Variants in TMPRSS11E observed in about 807,000 individuals in gnomAD.
The protein encoded by TMPRSS11E is transmembrane serine protease 11E.
A neutral mutation model predicts 48.1 loss-of-function variants in TMPRSS11E; 38 were observed. The observed-to-expected ratio is 0.79, with a 90% CI of 0.61 to 1.04. TMPRSS11E has a LOEUF of 1.04. TMPRSS11E is among the 50% of genes least tolerant of loss of function. The probability of loss-of-function intolerance (pLI) is 0.00; values close to 1 mark genes in which losing one functional copy is unlikely to be tolerated. For synonymous variants in TMPRSS11E, 158 were observed against 171.9 expected, an observed-to-expected ratio of 0.92 and a Z score of 0.63; for missense variants, 530 against 510.8, an observed-to-expected ratio of 1.04 and a Z score of -0.36.
At chr4:68,471,725 G>A in intron 5 of TMPRSS11E, 102 bp downstream of exon 5, 6 of 807,118 alleles carry the variant, frequency 7.4e-6, no homozygotes, top group Non-Finnish European at 1.1e-5. Flanking sequence ...TAATTCTGGG[G>A]TCTTGCCACC....
intron 1 of TMPRSS11E, among the ~76,000 whole-genome samples, chr4:68,461,582 A>T (rs1005096854): frequency 2.0e-5 from 3 of 152,188 alleles, no homozygotes; most frequent in African/African-American, 7.2e-5. Flanking sequence ...AGGTACTATC[A>T]TTATCATCTT....
rs1205296945 is a variant in TMPRSS11E, at chr4:68,476,117, AC to A, written c.530-143del. 7 of 1,078,566 alleles carry A rather than the reference AC, an allele frequency of 6.5e-6. No individual in the cohort carries two copies. In the African/African-American group the frequency reaches 1.1e-4, roughly 17 times the overall value. 66.8% of individuals were successfully genotyped at this position (1,078,566 alleles called of 1,614,324 possible). On this transcript the variant is annotated intron_variant, in intron 6 of 9. Transcript: ENST00000305363. Reference sequence around the variant, plus strand: ...TTAGCTAAATAAAACACTACAGTTTACAGAAAGGTAAGAGCATGAGAAAACA... The same window carrying A: ...TTAGCTAAATAAAACACTACAGTTTAAGAAAGGTAAGAGCATGAGAAAACA...
intron 1 of TMPRSS11E, 23 bp from the exon 2 acceptor site, chr4:68,461,798 T>C (rs992771549): frequency 1.2e-6 from 2 of 1,613,858 alleles, no homozygotes; most frequent in African/African-American, 2.7e-5. Flanking sequence ...TGAAATAATC[T>C]ATCTATTTAT....
At position 68,497,591 on chromosome 4, in the gene TMPRSS11E, A is replaced by G. The variant is rs1408474756; in HGVS notation, c.*787A>G. The G allele has an allele frequency of 6.6e-6, 1 of 152,300 alleles. No individual in the cohort carries two copies. The highest frequency in any genetic ancestry group is 1.9e-4 in the East Asian group (1 of 5,182). 9.4% of individuals were successfully genotyped at this position (152,300 alleles called of 1,614,324 possible). Reference sequence around the variant, plus strand: ...GAGGATGTCAACATATAACAATAAAATATAAATCACCCATTTGCTTGACAT... The same window carrying G: ...GAGGATGTCAACATATAACAATAAAGTATAAATCACCCATTTGCTTGACAT... On this transcript the variant is annotated 3_prime_UTR_variant, in exon 10 of 10. Coordinates refer to ENST00000305363, the MANE Select transcript of TMPRSS11E (RefSeq NM_014058.4).
intron 8 of TMPRSS11E, 25 bp from the exon 9 acceptor site, chr4:68,478,824 A>G (rs1729316880): frequency 6.2e-7 from 1 of 1,610,566 alleles, no homozygotes; most frequent in Non-Finnish European, 8.5e-7. Context: ...ATGTCTACAA[A>G]TACAAAGACT....
chr4:68,475,486 A>G (rs999776261), intron 6 of TMPRSS11E, among the ~76,000 whole-genome samples: 1 of 152,182 alleles, frequency 6.6e-6, no homozygotes, highest in Non-Finnish European at 1.5e-5. Flanking sequence ...AAACCAAAAG[A>G]TAATCTCATT....
At chr4:68,473,249 G>A (rs1266614640) in intron 5 of TMPRSS11E, among the ~76,000 whole-genome samples, 1 of 152,044 alleles carries the variant, frequency 6.6e-6, no homozygotes, top group Non-Finnish European at 1.5e-5. Context: ...AGAAGTAACA[G>A]AAGCAAGAAA....
chr4:68,474,897 G>A (rs1004873421), intron 6 of TMPRSS11E, 136 bp downstream of exon 6: 1 of 704,872 alleles, frequency 1.4e-6, no homozygotes, highest in East Asian at 3.0e-5. Context: ...ACAGTTCATG[G>A]TACTTTATCA....
chr4:68,447,585 G>A (rs1728374511), intron 1 of TMPRSS11E, 62 bp downstream of exon 1: 1 of 1,392,300 alleles, frequency 7.2e-7, no homozygotes, highest in Non-Finnish European at 1.0e-6. Flanking sequence ...AAAACAGTAT[G>A]AGCCACACCA....
Position 68,447,480 on chromosome 4 carries a change from G to C in TMPRSS11E, c.-33G>C. On this transcript the variant is annotated 5_prime_UTR_variant, in exon 1 of 10. Coordinates refer to ENST00000305363, the MANE Select transcript of TMPRSS11E (RefSeq NM_014058.4). ...ATTCACACACTTGGATGTAGACCTC[G>C]ACCTTCACAGGACTCTTCATTGCTG... 6.2e-7 allele frequency: 1 copy of C among 1,606,344 alleles called. No individual in the cohort carries two copies.
Position 68,466,707 on chromosome 4 carries a change from G to T in TMPRSS11E, c.213G>T (p.Glu71Asp), listed in dbSNP as rs1003300852. 5 of 1,613,654 alleles carry T rather than the reference G, an allele frequency of 3.1e-6. No homozygotes were observed. In the African/African-American group the frequency reaches 5.3e-5, roughly 17 times the overall value. The change falls in exon 3 of 10, where the codon GAG (glutamate) becomes GAT (aspartate). Residue 71 changes from glutamate to aspartate, a missense_variant. By Grantham distance (45) the Glu-to-Asp change is conservative (BLOSUM62 2). Coordinates refer to ENST00000305363, the MANE Select transcript of TMPRSS11E (RefSeq NM_014058.4). ...AACTATATGCTGAGTTTGGCAGAGA[G>T]GCTTCTAACAATTTTACAGAAATGA... ...TDKLYAEFGR[E>D]ASNNFTEMSQ...
At chr4:68,483,462 A>AT (rs1473540424) in intron 9 of TMPRSS11E, among the ~76,000 whole-genome samples, 2 of 152,134 alleles carry the variant, frequency 1.3e-5, no homozygotes, top group African/African-American at 4.8e-5. Flanking sequence ...TTTTTTCCCC[A>AT]TTTTAAAAGG....
At chr4:68,488,456 A>G (rs1729622884) in intron 9 of TMPRSS11E, among the ~76,000 whole-genome samples, 1 of 152,148 alleles carries the variant, frequency 6.6e-6, no homozygotes, top group African/African-American at 2.4e-5. Flanking sequence ...AATACTGCCC[A>G]TTGTATTATG....
At chr4:68,481,019 A>G (rs573666977) in intron 9 of TMPRSS11E, among the ~76,000 whole-genome samples, 4 of 152,232 alleles carry the variant, frequency 2.6e-5, no homozygotes, top group East Asian at 1.9e-4. Context: ...TATGTACTCA[A>G]TGTTTAGCTT....
At chr4:68,481,155 A>G (rs1026997468) in intron 9 of TMPRSS11E, among the ~76,000 whole-genome samples, 3 of 152,184 alleles carry the variant, frequency 2.0e-5, no homozygotes, top group Non-Finnish European at 4.4e-5. Flanking sequence ...TTCTGGCTCC[A>G]TAGCATTCCA....
At chr4:68,450,870 C>A (rs1728479642) in intron 1 of TMPRSS11E, among the ~76,000 whole-genome samples, 1 of 151,160 alleles carries the variant, frequency 6.6e-6, no homozygotes, top group Non-Finnish European at 1.5e-5. Context: ...TTGTGAAAAT[C>A]ATGTTTATCT....
At chr4:68,447,652 G>T in intron 1 of TMPRSS11E, 129 bp downstream of exon 1, 3 of 718,616 alleles carry the variant, frequency 4.2e-6, no homozygotes, top group Non-Finnish European at 6.7e-6. Flanking sequence ...ATATTTTTGA[G>T]ATTTTACATA....
chr4:68,485,142 G>GT (rs549396915), intron 9 of TMPRSS11E, among the ~76,000 whole-genome samples: 10 of 151,816 alleles, frequency 6.6e-5, no homozygotes, highest in East Asian at 1.9e-4. Flanking sequence ...TTAGTTCAAG[G>GT]TTTTTTTCTT....
At chr4:68,493,110 A>G (rs1357014272) in intron 9 of TMPRSS11E, among the ~76,000 whole-genome samples, 1 of 152,028 alleles carries the variant, frequency 6.6e-6, no homozygotes, top group African/African-American at 2.4e-5. Context: ...CTTTTATTTT[A>G]TAATTTTTAT....
Sources: allele counts gnomAD v4.1 joint callset (sites outside exome capture counted in the v4.1 genomes callset), GRCh38; gene constraint gnomAD v4.1.1; transcripts MANE v1.5; gene names NCBI Gene and HGNC (gene_info 2026-07-23, HGNC 2026-07-21).